CPD: variants seen among roughly 807,000 people sequenced by gnomAD.
The protein encoded by CPD is carboxypeptidase D.
Under a neutral mutation model 138.3 loss-of-function variants are expected in CPD, and 69 were observed. The observed-to-expected ratio is 0.50, with a 90% CI of 0.41 to 0.61. CPD has a LOEUF of 0.61. Ranked by LOEUF, CPD falls within the 20% of genes least tolerant of loss-of-function variation. The pLI is 0.00. For synonymous variants in CPD, 651 were observed against 642.1 expected (o/e 1.01, Z -0.21); for missense variants, 1,432 against 1,733.3 (o/e 0.83, Z 3.09).
At chr17:30,388,429 A>G (rs1044040379) in intron 2 of CPD, among the ~76,000 whole-genome samples, 6 of 152,026 alleles carry the variant, frequency 3.9e-5, no homozygotes, top group African/African-American at 9.7e-5. Flanking sequence ...TCAGTCCCCA[A>G]CCTTGGTTCC....
chr17:30,452,584 T>G (rs1913194418), intron 14 of CPD, among the ~76,000 whole-genome samples: 1 of 148,914 alleles, frequency 6.7e-6, no homozygotes, highest in Admixed American at 6.8e-5. Flanking sequence ...CATTATTTTC[T>G]AATGGCATCT....
intron 1 of CPD, among the ~76,000 whole-genome samples, chr17:30,381,562 AT>A (rs969869474): frequency 1.2e-4 from 18 of 152,224 alleles, no homozygotes; most frequent in African/African-American, 4.1e-4. Flanking sequence ...GAGTACATCC[AT>A]CCTAACTCAG....
At chr17:30,404,786 A>G (rs1033946808) in intron 2 of CPD, among the ~76,000 whole-genome samples, 1 of 152,088 alleles carries the variant, frequency 6.6e-6, no homozygotes, top group Admixed American at 6.6e-5. Flanking sequence ...TTTTTGGCCA[A>G]CAGATATTTT....
chr17:30,422,775 C>T lies in CPD; in HGVS notation c.1409C>T (p.Thr470Met), dbSNP rs192520453. ...RPTVTSVIPD[T>M]TEAVSTASTV... The stretch of plus-strand genomic sequence containing the variant: ...ACTGTAACTTCAGTAATCCCTGACA[C>T]GACAGAGGCTGTATCAACTGCTAGC... The change falls in exon 5 of 21, where the codon ACG becomes ATG. Residue 470 changes from threonine (T) to methionine (M), a missense_variant. Physicochemically the swap from Thr to Met is moderately conservative, Grantham distance 81. Coordinates refer to ENST00000225719, the MANE Select transcript of CPD (RefSeq NM_001304.5). The T allele has an allele frequency of 7.7e-5, 124 of 1,614,004 alleles. No individual in the cohort carries two copies. The highest frequency in any genetic ancestry group is 4.5e-4 in the East Asian group (20 of 44,860).
intron 1 of CPD, among the ~76,000 whole-genome samples, chr17:30,383,631 A>G (rs1394855224): frequency 6.6e-6 from 1 of 152,142 alleles, no homozygotes; most frequent in East Asian, 1.9e-4. Flanking sequence ...CTTCTGATGA[A>G]CAGATTTTGT....
chr17:30,455,589 A>G, intron 15 of CPD, 119 bp downstream of exon 15: 1 of 1,096,848 alleles, frequency 9.1e-7, no homozygotes. Context: ...CTATGAGCAA[A>G]TTACCAACCA....
chr17:30,416,435 T>C (rs1912109813), intron 2 of CPD, among the ~76,000 whole-genome samples: 1 of 152,256 alleles, frequency 6.6e-6, no homozygotes, highest in Non-Finnish European at 1.5e-5. Flanking sequence ...GAAATTTGTA[T>C]TATGTGTTCT....
intron 12 of CPD, among the ~76,000 whole-genome samples, chr17:30,447,234 A>C (rs562045171): frequency 8.5e-5 from 13 of 152,196 alleles, no homozygotes; most frequent in Admixed American, 2.0e-4. Context: ...GGTGTTTTAG[A>C]CATAAAGTTC....
intron 2 of CPD, among the ~76,000 whole-genome samples, chr17:30,387,057 C>T (rs1911211203): frequency 1.3e-5 from 2 of 152,274 alleles, no homozygotes; most frequent in East Asian, 3.9e-4. Context: ...TACATTCCCA[C>T]CAGCAATATA....
intron 17 of CPD, among the ~76,000 whole-genome samples, chr17:30,460,449 G>T (rs1247751122): frequency 1.3e-5 from 2 of 152,166 alleles, no homozygotes; most frequent in African/African-American, 4.8e-5. Context: ...GAATTATCTA[G>T]ACAAAAAGTA....
rs937650290 is a variant in CPD at position 30,466,352 on chromosome 17, C to T, written c.*1538C>T. 7.2e-5 allele frequency: 11 copies of T among 152,548 alleles called. No individual in the cohort carries two copies. The highest frequency in any genetic ancestry group is 2.4e-4 in the African/African-American group (10 of 41,422). 9.4% of individuals were successfully genotyped at this position (152,548 alleles called of 1,614,324 possible). On this transcript the variant is annotated 3_prime_UTR_variant, in exon 21 of 21. Coordinates refer to ENST00000225719, the MANE Select transcript of CPD (RefSeq NM_001304.5). Reference sequence around the variant, plus strand: ...GGAGGGGTTTACCACCTTCCTAGGTCGTTCAACCAGGTTTTGTGAGGAATG... The same window carrying T: ...GGAGGGGTTTACCACCTTCCTAGGTTGTTCAACCAGGTTTTGTGAGGAATG...
At chr17:30,383,745 G>A (rs1911112118) in intron 1 of CPD, among the ~76,000 whole-genome samples, 1 of 151,736 alleles carries the variant, frequency 6.6e-6, no homozygotes, top group Non-Finnish European at 1.5e-5. Context: ...TTTTTTTCAA[G>A]CATATAGAAA....
chr17:30,461,147 T>C, intron 17 of CPD, 33 bp from the exon 18 acceptor site: 1 of 1,524,522 alleles, frequency 6.6e-7, no homozygotes, highest in Non-Finnish European at 8.8e-7. Context: ...CTTATTAATT[T>C]TCCCACATTT....
At chr17:30,454,071 C>T (rs1241834624) in intron 14 of CPD, 6 of 152,148 alleles carry the variant, frequency 3.9e-5, no homozygotes, top group African/African-American at 9.7e-5. Context: ...CTGACATGGC[C>T]TGGAGACATT....
intron 1 of CPD, among the ~76,000 whole-genome samples, chr17:30,384,606 G>C (rs1166165014): frequency 6.6e-6 from 1 of 152,214 alleles, no homozygotes; most frequent in East Asian, 1.9e-4. Context: ...AAAAAGAAAA[G>C]GGTGAATATT....
rs200349819 is a variant in CPD at position 30,391,753 on chromosome 17, A to G, written c.994+6517A>G. 9.9e-5 allele frequency among the ~76,000 whole-genome samples: 15 copies of G among 152,178 alleles called. No homozygotes were observed. In the East Asian group the frequency reaches 2.7e-3, roughly 27 times the overall value. On this transcript the variant is annotated intron_variant, in intron 2 of 20. Coordinates refer to ENST00000225719, the MANE Select transcript of CPD (RefSeq NM_001304.5). ...CTTATATAAAATTAAGATAAATACT[A>G]TCTACTCACAAGATTAGGAGGCTCA... is the stretch of plus-strand genomic sequence containing the variant.
chr17:30,385,504 GCA>G (rs34290313), intron 2 of CPD, among the ~76,000 whole-genome samples: 10,426 of 144,206 alleles, frequency 0.072, 567 homozygotes, highest in Non-Finnish European at 0.11. Context: ...GTATGTGCAT[GCA>G]CACACACACA....
intron 7 of CPD, among the ~76,000 whole-genome samples, chr17:30,428,699 G>A (rs917413211): frequency 6.6e-6 from 1 of 152,060 alleles, no homozygotes; most frequent in Admixed American, 6.6e-5. Context: ...AGATTGTATT[G>A]GGCTGGAGTG....
rs191975110 is a variant in CPD at position 30,432,045 on chromosome 17, T to C, written c.2127+164T>C. 3.2e-3 allele frequency among the ~76,000 whole-genome samples: 489 copies of C among 152,326 alleles called. 2 individuals are homozygous for C. Among genetic ancestry groups the C allele is most frequent in the Non-Finnish European group, 5.3e-3 (358 of 68,028 alleles). ...CTTTTTCTCCTGTTTCCCACCTCACTTTTGAATACACTACATGTCTTTCTC... is the reference window on the plus strand; with the variant it reads ...CTTTTTCTCCTGTTTCCCACCTCACCTTTGAATACACTACATGTCTTTCTC... On this transcript the variant is annotated intron_variant, in intron 8 of 20. Coordinates refer to ENST00000225719, the MANE Select transcript of CPD (RefSeq NM_001304.5).
Sources: gnomAD v4.1 joint callset for allele counts (sites outside exome capture counted in the v4.1 genomes callset) on GRCh38, gnomAD v4.1.1 for gene constraint, MANE v1.5 for transcripts, NCBI Gene and HGNC (gene_info 2026-07-23, HGNC 2026-07-21) for gene names.